Variants in CNTRL observed in about 807,000 individuals in gnomAD.
CNTRL encodes the protein centriolin.
CNTRL carries 233 observed loss-of-function variants against 303.7 expected under a neutral mutation model. The observed-to-expected ratio is 0.77, with a 90% CI of 0.69 to 0.86. CNTRL has a LOEUF of 0.86. CNTRL is among the 40% of genes least tolerant of loss of function. The pLI is 0.00. For missense variants in CNTRL, 2,524 were observed against 2,650.6 expected (o/e 0.95, Z 1.05); for synonymous variants, 900 against 922.2 (o/e 0.98, Z 0.44).
At chr9:121,131,407 A>T (rs548976280) in intron 14 of CNTRL, among the ~76,000 whole-genome samples, 4 of 152,052 alleles carry the variant, frequency 2.6e-5, no homozygotes, top group Admixed American at 1.3e-4. Flanking sequence ...GTCGCTTTTG[A>T]TCTTTGTTGG....
chr9:121,177,150 T>C lies in CNTRL; in HGVS notation c.6955-13T>C, dbSNP rs2053562099. On this transcript the variant is annotated splice_polypyrimidine_tract_variant and intron_variant, in intron 43 of 43. Transcript: ENST00000373855. Reference sequence around the variant, plus strand: ...CAAGAATTTGATTTATCCTTCCTTTTGTCTTACTGTAGGAAAAGAATGCCT... The same window carrying C: ...CAAGAATTTGATTTATCCTTCCTTTCGTCTTACTGTAGGAAAAGAATGCCT... 3 of 1,608,836 alleles carry C rather than the reference T, an allele frequency of 1.9e-6. No individual in the cohort carries two copies. The highest frequency in any genetic ancestry group is 2.6e-6 in the Non-Finnish European group (3 of 1,175,878).
intron 31 of CNTRL, among the ~76,000 whole-genome samples, chr9:121,159,317 C>T (rs1420379784): frequency 7.2e-5 from 11 of 152,056 alleles, no homozygotes; most frequent in Non-Finnish European, 1.2e-4. Context: ...TTTCTCATGG[C>T]GCAGCTTCAT....
chr9:121,076,702 A>C (rs887903264), intron 1 of CNTRL, among the ~76,000 whole-genome samples: 1 of 151,984 alleles, frequency 6.6e-6, no homozygotes, highest in Non-Finnish European at 1.5e-5. Context: ...ATAAAGAAGA[A>C]TGGGAGGCAG....
intron 40 of CNTRL, among the ~76,000 whole-genome samples, chr9:121,171,829 T>C (rs1234766922): frequency 6.6e-6 from 1 of 152,186 alleles, no homozygotes; most frequent in Non-Finnish European, 1.5e-5. Flanking sequence ...CAAAGAACTA[T>C]GTTGAAATGC....
Position 121,135,915 on chromosome 9 carries a change from T to A in CNTRL, c.2135T>A (p.Leu712Gln). 1 of 1,613,920 alleles carries A rather than the reference T, an allele frequency of 6.2e-7. No homozygotes were observed. The highest frequency in any genetic ancestry group is 1.1e-5 in the South Asian group (1 of 91,072). The change falls in exon 15 of 44, where the codon CTA becomes CAA. Residue 712 changes from leucine (L) to glutamine (Q), a missense_variant. By Grantham distance (113) the Leu-to-Gln change is moderately radical. Transcript: ENST00000373855. ...SAYEAELEAR[L>Q]NLRDAEANQL... ...TATGAAGCTGAGCTAGAGGCTCGGC[T>A]AAACCTAAGGGATGCTGAAGCCAAC...
chr9:121,123,709 TC>T (rs2050359759), intron 12 of CNTRL, among the ~76,000 whole-genome samples: 2 of 152,210 alleles, frequency 1.3e-5, no homozygotes. Context: ...ACCTCTTTGA[TC>T]CTCAGTTTTC....
Position 121,118,382 on chromosome 9 carries a change from T to C in CNTRL, c.1492T>C (p.Leu498=). 1.2e-6 allele frequency: 2 copies of C among 1,608,026 alleles called. No individual in the cohort carries two copies. The highest frequency in any genetic ancestry group is 1.7e-6 in the Non-Finnish European group (2 of 1,176,880). ...AGGGAAAGACCTTCTTTACAAGCAG[T>C]TGAGTGGTAGACTACAACTTGTAAA... The part of the protein sequence containing the change: ...EAGKDLLYKQ[L]SGRLQLVNKL... Residue 498 remains leucine (L), a synonymous_variant, in exon 12 of 44, where the codon TTG becomes CTG. Coordinates refer to ENST00000373855, the MANE Select transcript of CNTRL (RefSeq NM_007018.6).
At chr9:121,077,780 C>G (rs1251948107) in intron 1 of CNTRL, among the ~76,000 whole-genome samples, 2 of 122,396 alleles carry the variant, frequency 1.6e-5, no homozygotes, top group South Asian at 2.8e-4. Context: ...CCCCCCATCT[C>G]TACAAAAAAT....
At chr9:121,158,805 A>G in intron 30 of CNTRL, 50 bp from the exon 31 acceptor site, 8 of 1,546,018 alleles carry the variant, frequency 5.2e-6, no homozygotes, top group Non-Finnish European at 5.3e-6. Context: ...GTTAGCACTG[A>G]GGGCTGTATG....
chr9:121,107,689 G>A, intron 7 of CNTRL, 113 bp from the exon 8 acceptor site: 3 of 713,460 alleles, frequency 4.2e-6, no homozygotes, highest in Non-Finnish European at 4.3e-6. Context: ...TTTAAAAGTA[G>A]AATTGTATTT....
At chr9:121,161,625 G>T in intron 32 of CNTRL, 1 of 458,684 alleles carries the variant, frequency 2.2e-6, no homozygotes, top group Non-Finnish European at 3.9e-6. Flanking sequence ...TGGGATTACA[G>T]GTGCGTGCTG....
intron 34 of CNTRL, among the ~76,000 whole-genome samples, chr9:121,163,707 G>C (rs1300426569): frequency 6.6e-6 from 1 of 152,066 alleles, no homozygotes; most frequent in African/African-American, 2.4e-5. Flanking sequence ...GATTTGAATA[G>C]ACATTTCATT....
chr9:121,168,003 T>C, intron 37 of CNTRL, 93 bp from the exon 38 acceptor site: 5 of 1,106,708 alleles, frequency 4.5e-6, no homozygotes, highest in Non-Finnish European at 6.4e-6. Context: ...TGTCTTCTAC[T>C]TTCTTTTGAC....
chr9:121,083,731 A>T (rs2048236014), intron 2 of CNTRL, among the ~76,000 whole-genome samples: 1 of 152,260 alleles, frequency 6.6e-6, no homozygotes, highest in South Asian at 2.1e-4. Flanking sequence ...TGTATGTGCC[A>T]GGCTTGTGTA....
rs147534838 is a variant in CNTRL, at chr9:121,146,214, A to G, written c.3417A>G (p.Arg1139=). ...GCAGCATGGCAGATCCTTTCAAAAG[A>G]CGAGGCTATTGGTACTTTATGCCAC... ...YISSMADPFK[R]RGYWYFMPPP... Residue 1139 remains arginine, a synonymous_variant, in exon 23 of 44, where the codon AGA becomes AGG. Transcript: ENST00000373855. 1.4e-4 allele frequency: 223 copies of G among 1,613,604 alleles called. No homozygotes were observed. Among genetic ancestry groups the G allele is most frequent in the Admixed American group, 7.3e-4 (44 of 59,918 alleles).
At chr9:121,099,183 G>T (rs1349948102) in intron 7 of CNTRL, among the ~76,000 whole-genome samples, 1 of 152,114 alleles carries the variant, frequency 6.6e-6, no homozygotes. Flanking sequence ...CTGGCTGATA[G>T]TGCCCCTCTG....
intron 14 of CNTRL, among the ~76,000 whole-genome samples, chr9:121,133,493 A>G (rs1014717359): frequency 2.0e-5 from 3 of 152,226 alleles, no homozygotes; most frequent in Admixed American, 2.0e-4. Flanking sequence ...TGCTAAGACC[A>G]TTGGAAAAGC....
chr9:121,105,417 T>C (rs986006584), intron 7 of CNTRL, among the ~76,000 whole-genome samples: 5 of 152,218 alleles, frequency 3.3e-5, no homozygotes, highest in African/African-American at 1.2e-4. Context: ...TTAGGACATA[T>C]TCAGTTTGAA....
intron 1 of CNTRL, among the ~76,000 whole-genome samples, chr9:121,079,038 T>C (rs986582530): frequency 6.6e-6 from 1 of 152,176 alleles, no homozygotes; most frequent in African/African-American, 2.4e-5. Context: ...CCCCTCCCTC[T>C]TTCTAGTGAC....
Sources: gnomAD v4.1 joint callset for allele counts (sites outside exome capture counted in the v4.1 genomes callset) on GRCh38, gnomAD v4.1.1 for gene constraint, MANE v1.5 for transcripts, NCBI Gene and HGNC (gene_info 2026-07-23, HGNC 2026-07-21) for gene names.